ZNF462: variants seen among roughly 807,000 people sequenced by gnomAD.
ZNF462 encodes zinc finger PBX1-interacting protein.
A neutral mutation model predicts 201.9 loss-of-function variants in ZNF462; 10 were observed. That is an observed-to-expected ratio of 0.05 (90% CI 0.03 to 0.08). ZNF462 has a LOEUF of 0.08. Ranked by LOEUF, ZNF462 falls within the 10% of genes least tolerant of loss-of-function variation. The pLI, the probability that ZNF462 is intolerant of heterozygous loss-of-function variation, is 1.00. For synonymous variants in ZNF462, 1,227 were observed against 1,193.3 expected, an observed-to-expected ratio of 1.03 and a Z score of -0.58; for missense variants, 2,523 against 3,168.3, an observed-to-expected ratio of 0.80 and a Z score of 4.89.
chr9:106,946,121 T>G lies in ZNF462; in HGVS notation c.6427+7014T>G, dbSNP rs576699172. Among the ~76,000 whole-genome samples, 263 of 152,342 alleles carry G rather than the reference T, an allele frequency of 1.7e-3. 1 individual carries two copies. The highest frequency in any genetic ancestry group is 3.4e-3 in the Non-Finnish European group (229 of 68,032). On this transcript the variant is annotated intron_variant, in intron 7 of 12. Coordinates refer to ENST00000277225, the MANE Select transcript of ZNF462 (RefSeq NM_021224.6). The stretch of plus-strand genomic sequence containing the variant: ...CAACAAAAACATTGTTCATCAGAAA[T>G]GTAACCATATACTACTAAACTTATT...
chr9:106,984,075 A>G lies in ZNF462; in HGVS notation c.6833-111A>G. On this transcript the variant is annotated intron_variant, in intron 9 of 12. Coordinates refer to ENST00000277225, the MANE Select transcript of ZNF462 (RefSeq NM_021224.6). This position sits in a 1 kb window ranked among gnomAD's most constrained non-coding sequence, Gnocchi z 6.4. ...CATGTGTGTCAGTTCAAGGAACCAG[A>G]TCCACGAGGAGCAGCAAGATTGGGT... 1 of 976,168 alleles carries G rather than the reference A, an allele frequency of 1.0e-6. No homozygotes were observed. The highest frequency in any genetic ancestry group is 1.5e-6 in the Non-Finnish European group (1 of 653,296). 60.5% of individuals were successfully genotyped at this position (976,168 alleles called of 1,614,324 possible).
Position 106,926,400 on chromosome 9 carries a change from A to G in ZNF462, c.2488A>G (p.Asn830Asp), listed in dbSNP as rs113523115. 1 of 1,614,098 alleles carries G rather than the reference A, an allele frequency of 6.2e-7. No individual in the cohort carries two copies. Among genetic ancestry groups the G allele is most frequent in the African/African-American group, 1.3e-5 (1 of 74,942 alleles). The change falls in exon 3 of 13, where the codon AAT becomes GAT. Residue 830 changes from asparagine to aspartate, a missense_variant. Transcript: ENST00000277225. The surrounding 1 kb of genome is among the most constrained non-coding windows in gnomAD (Gnocchi z 7.9). ...TQTPIYGTEH[N>D]SENTDFGDSG... Reference sequence around the variant, plus strand: ...AACTCCCATCTATGGGACTGAGCACAATAGTGAAAACACAGACTTTGGTGA... The same window carrying G: ...AACTCCCATCTATGGGACTGAGCACGATAGTGAAAACACAGACTTTGGTGA...
intron 1 of ZNF462, among the ~76,000 whole-genome samples, chr9:106,908,976 T>G (rs1829428103): frequency 9.8e-6 from 1 of 102,472 alleles, no homozygotes; most frequent in Non-Finnish European, 1.9e-5. Context: ...TTTTTTTTTT[T>G]TTTTGAGACT....
chr9:106,960,508 G>A (rs1564133682), intron 7 of ZNF462, among the ~76,000 whole-genome samples: 1 of 152,040 alleles, frequency 6.6e-6, no homozygotes, highest in African/African-American at 2.4e-5. Context: ...TTTCAGTGTG[G>A]TAAAGACATC....
rs182691256 is a variant in ZNF462, at chr9:106,895,118, C to A, written c.-30-28236C>A. Among the ~76,000 whole-genome samples, 2 of 152,154 alleles carry A rather than the reference C, an allele frequency of 1.3e-5. No individual in the cohort carries two copies. The highest frequency in any genetic ancestry group is 4.8e-5 in the African/African-American group (2 of 41,434). ...TGTTTAAACTATTCCAACCTAAGGTCTGTTGCTTCTTGGATAATATTCCAT... is the reference window on the plus strand; with the variant it reads ...TGTTTAAACTATTCCAACCTAAGGTATGTTGCTTCTTGGATAATATTCCAT... On this transcript the variant is annotated intron_variant, in intron 1 of 12. Coordinates refer to ENST00000277225, the MANE Select transcript of ZNF462 (RefSeq NM_021224.6). The surrounding 1 kb of genome is among the most constrained non-coding windows in gnomAD (Gnocchi z 4.4).
rs1016999577 is a variant in ZNF462 at position 106,977,480 on chromosome 9, T to C, written c.6832+3207T>C. 6.6e-5 allele frequency among the ~76,000 whole-genome samples: 10 copies of C among 151,680 alleles called. No individual in the cohort carries two copies. Among genetic ancestry groups the C allele is most frequent in the Non-Finnish European group, 1.5e-4 (10 of 68,044 alleles). On this transcript the variant is annotated intron_variant, in intron 9 of 12. Coordinates refer to ENST00000277225, the MANE Select transcript of ZNF462 (RefSeq NM_021224.6). This position sits in a 1 kb window ranked among gnomAD's most constrained non-coding sequence, Gnocchi z 4.6. ...TTGATATATTTAAGTAGAGAGAGAA[T>C]CTACTTCGCTCATGGGAAATCTGAA...
chr9:106,903,789 C>G (rs1829156867), intron 1 of ZNF462, among the ~76,000 whole-genome samples: 2 of 151,996 alleles, frequency 1.3e-5, no homozygotes. Flanking sequence ...CTTTTTCCAC[C>G]CCTTTAAATT....
intron 1 of ZNF462, among the ~76,000 whole-genome samples, chr9:106,889,546 C>A (rs1828481749): frequency 6.6e-6 from 1 of 152,250 alleles, no homozygotes; most frequent in South Asian, 2.1e-4. Flanking sequence ...TCCCCGCTCA[C>A]ACTTTCCTTG....
intron 1 of ZNF462, among the ~76,000 whole-genome samples, chr9:106,894,740 C>T (rs1216357834): frequency 1.3e-5 from 2 of 152,004 alleles, no homozygotes; most frequent in Non-Finnish European, 2.9e-5. Context: ...GTGCCTGATC[C>T]AAATGGATAT....
rs902256233 is a variant in ZNF462 at position 106,886,241 on chromosome 9, A to T, written c.-31+22886A>T. On this transcript the variant is annotated intron_variant, in intron 1 of 12. Coordinates refer to ENST00000277225, the MANE Select transcript of ZNF462 (RefSeq NM_021224.6). The surrounding 1 kb of genome is among the most constrained non-coding windows in gnomAD (Gnocchi z 4.6). ...AGAAGGTGGCTGGGATTGTTACCTC[A>T]CTGGACCGCTCTTTAAACTTTCTCT... Among the ~76,000 whole-genome samples, 1 of 152,302 alleles carries T rather than the reference A, an allele frequency of 6.6e-6. No individual in the cohort carries two copies. The highest frequency in any genetic ancestry group is 6.5e-5 in the Admixed American group (1 of 15,298).
rs1830379871 is a variant in ZNF462 at position 106,930,448 on chromosome 9, T to C, written c.5848-77T>C. On this transcript the variant is annotated intron_variant, in intron 3 of 12. Coordinates refer to ENST00000277225, the MANE Select transcript of ZNF462 (RefSeq NM_021224.6). The surrounding 1 kb of genome is among the most constrained non-coding windows in gnomAD (Gnocchi z 5.8). The stretch of plus-strand genomic sequence containing the variant: ...CTAATCGGCTTTAAAATAAAGTATG[T>C]TAGTAAACTGCAAGAATAAATTCTG... The C allele has an allele frequency of 2.6e-6, 4 of 1,564,080 alleles. No homozygotes were observed. The highest frequency in any genetic ancestry group is 2.6e-6 in the Non-Finnish European group (3 of 1,146,686).
At chr9:106,922,504 A>G (rs997431459) in intron 1 of ZNF462, among the ~76,000 whole-genome samples, 2 of 152,202 alleles carry the variant, frequency 1.3e-5, no homozygotes, top group Admixed American at 1.3e-4. Context: ...AGAAGTGGAA[A>G]AAGGTAAAGT....
intron 1 of ZNF462, among the ~76,000 whole-genome samples, chr9:106,912,771 C>T (rs1011479958): frequency 3.3e-5 from 5 of 152,096 alleles, no homozygotes; most frequent in Non-Finnish European, 7.3e-5. Context: ...CATGATGAAC[C>T]TATTGATGGT....
intron 7 of ZNF462, among the ~76,000 whole-genome samples, chr9:106,960,979 T>G (rs950841959): frequency 1.3e-5 from 2 of 152,028 alleles, no homozygotes; most frequent in African/African-American, 4.8e-5. Flanking sequence ...TGGAGGAAAA[T>G]AGGTAAAACA....
In ZNF462 at chr9:106,924,589, G is replaced by A. The variant is rs374076395; in HGVS notation, c.677G>A (p.Arg226His). 9.9e-6 allele frequency: 16 copies of A among 1,614,042 alleles called. No homozygotes were observed. The highest frequency in any genetic ancestry group is 2.2e-5 in the South Asian group (2 of 91,078). Residue 226 changes from arginine to histidine, a missense_variant, in exon 3 of 13, where the codon CGC (arginine) becomes CAC (histidine). Coordinates refer to ENST00000277225, the MANE Select transcript of ZNF462 (RefSeq NM_021224.6). The surrounding 1 kb of genome is among the most constrained non-coding windows in gnomAD (Gnocchi z 6.2). Reference sequence around the variant, plus strand: ...GAACTGCCAGCAGAGGTTGTGGAGCGCAGCATCTTAGAGTCTATGGTCAAG... The same window carrying A: ...GAACTGCCAGCAGAGGTTGTGGAGCACAGCATCTTAGAGTCTATGGTCAAG... Reference protein sequence around the residue: ...CKELPAEVVERSILESMVKPL... With the variant: ...CKELPAEVVEHSILESMVKPL...
At position 107,011,513 on chromosome 9, in the gene ZNF462, C is replaced by CAA. The variant is rs11284528; in HGVS notation, c.*495_*496dup. Reference sequence around the variant, plus strand: ...AAAACAAAAAACAAAAAACAGAAAACAAAAAAAAAAAAACTGCTTTGCATA... The same window carrying CAA: ...AAAACAAAAAACAAAAAACAGAAAACAAAAAAAAAAAAAAACTGCTTTGCATA... On this transcript the variant is annotated 3_prime_UTR_variant, in exon 13 of 13. Transcript: ENST00000277225. This position sits in a 1 kb window ranked among gnomAD's most constrained non-coding sequence, Gnocchi z 5.6. 8 of 137,774 alleles carry CAA rather than the reference C, an allele frequency of 5.8e-5. No individual in the cohort carries two copies. The highest frequency in any genetic ancestry group is 8.0e-5 in the Non-Finnish European group (5 of 62,364). The allele number at this position is 137,774 out of a possible 1,614,324, so 8.5% of individuals were successfully genotyped here.
chr9:106,946,213 G>A (rs532869408), intron 7 of ZNF462, among the ~76,000 whole-genome samples: 1 of 152,284 alleles, frequency 6.6e-6, no homozygotes, highest in South Asian at 2.1e-4. Context: ...AAATCTCTGG[G>A]TGAACTGCTT....
intron 1 of ZNF462, among the ~76,000 whole-genome samples, chr9:106,915,383 A>G (rs187323046): frequency 6.6e-6 from 1 of 152,254 alleles, no homozygotes; most frequent in African/African-American, 2.4e-5. Context: ...TGGTGGACAA[A>G]TGTCTAAGCT....
At chr9:106,989,739 G>T (rs750360998) in intron 10 of ZNF462, among the ~76,000 whole-genome samples, 1 of 152,000 alleles carries the variant, frequency 6.6e-6, no homozygotes, top group Admixed American at 6.6e-5. Flanking sequence ...TCTGTTCAGG[G>T]TATCTAATTC....
Sources: allele counts gnomAD v4.1 joint callset (sites outside exome capture counted in the v4.1 genomes callset), GRCh38; gene constraint gnomAD v4.1.1; non-coding constraint Gnocchi (gnomAD v3.1); transcripts MANE v1.5; gene names NCBI Gene and HGNC (gene_info 2026-07-23, HGNC 2026-07-21).